The following MOCOS variants were observed in gnomAD, a reference collection of about 807,000 sequenced individuals.
The protein encoded by MOCOS is human molybdenum cofactor sulfurase.
In MOCOS, 86 loss-of-function variants were observed where a neutral mutation model predicts 83.6. The observed-to-expected ratio is 1.03, with a 90% CI of 0.86 to 1.23. MOCOS has a LOEUF of 1.23. Ranked by LOEUF, MOCOS falls within the 50% of genes most tolerant of loss-of-function variation. The pLI is 0.00. For synonymous variants in MOCOS, 445 were observed against 434.7 expected (o/e 1.02, Z -0.29); for missense variants, 1,120 against 1,126.9 (o/e 0.99, Z 0.09).
At chr18:36,257,154 G>T in intron 12 of MOCOS, 81 bp downstream of exon 12, 1 of 1,179,758 alleles carries the variant, frequency 8.5e-7, no homozygotes, top group Non-Finnish European at 1.3e-6. Flanking sequence ...GCCTGGAGCG[G>T]AGAGATCTGA....
chr18:36,209,788 T>G (rs2091447600), intron 6 of MOCOS, among the ~76,000 whole-genome samples: 1 of 152,060 alleles, frequency 6.6e-6, no homozygotes, highest in Non-Finnish European at 1.5e-5. Flanking sequence ...TGAATTGTGC[T>G]GCTATAAACA....
intron 1 of MOCOS, among the ~76,000 whole-genome samples, chr18:36,192,793 G>A (rs1047264120): frequency 1.3e-5 from 2 of 151,944 alleles, no homozygotes; most frequent in Admixed American, 6.5e-5. Context: ...GATTACAGGC[G>A]CACGCCATTA....
chr18:36,257,073 G>A lies in MOCOS; in HGVS notation c.2270G>A (p.Ser757Asn), dbSNP rs146846079. Residue 757 changes from serine (S) to asparagine (N), a missense_variant and splice_region_variant, in exon 12 of 15, where the codon AGT becomes AAT. By Grantham distance (46) the Ser-to-Asn change is conservative. Coordinates refer to ENST00000261326, the MANE Select transcript of MOCOS (RefSeq NM_017947.4). ...GAACTTCACCGGCAACTAAACACCA[G>A]GTAAGACCTCATACCTCGGGACTAG... is the stretch of plus-strand genomic sequence containing the variant. The part of the protein sequence containing the change: ...ILELHRQLNT[S>N]DENGKEELFS... 5.6e-5 allele frequency: 90 copies of A among 1,611,652 alleles called. No homozygotes were observed. The African/African-American group carries it at 1.0e-3, about 18-fold the overall frequency.
intron 7 of MOCOS, 90 bp downstream of exon 7, chr18:36,213,572 T>C: frequency 9.8e-7 from 1 of 1,018,418 alleles, no homozygotes; most frequent in Non-Finnish European, 1.5e-6. Flanking sequence ...GGGCTGCTGC[T>C]GCATACTCAT....
intron 12 of MOCOS, among the ~76,000 whole-genome samples, chr18:36,257,549 T>G (rs1460579330): frequency 6.6e-6 from 1 of 152,118 alleles, no homozygotes; most frequent in Admixed American, 6.5e-5. Context: ...CAGATGGAAT[T>G]AGCACCCCTC....
At chr18:36,201,991 G>A (rs1405707649) in intron 4 of MOCOS, among the ~76,000 whole-genome samples, 1 of 152,138 alleles carries the variant, frequency 6.6e-6, no homozygotes, top group Non-Finnish European at 1.5e-5. Context: ...CTCACTGGGG[G>A]CCAGGGCATG....
chr18:36,228,884 G>A (rs1211115693), intron 9 of MOCOS, among the ~76,000 whole-genome samples: 2 of 150,518 alleles, frequency 1.3e-5, no homozygotes, highest in African/African-American at 4.9e-5. Context: ...TCCCAAGCTG[G>A]TTTCAAACTC....
intron 9 of MOCOS, among the ~76,000 whole-genome samples, chr18:36,239,035 T>C (rs1051185103): frequency 6.0e-5 from 9 of 151,034 alleles, no homozygotes; most frequent in Non-Finnish European, 1.3e-4. Flanking sequence ...TGTCTCTGCA[T>C]GTGAGATGGG....
In MOCOS at chr18:36,220,107, T is replaced by C. The variant is rs368198282; in HGVS notation, c.1850T>C (p.Met617Thr). The change falls in exon 9 of 15, where the codon ATG becomes ACG. Residue 617 changes from methionine (M) to threonine (T), a missense_variant. Coordinates refer to ENST00000261326, the MANE Select transcript of MOCOS (RefSeq NM_017947.4). ...GGGCTGCTATATGACCGGAGCTGGA[T>C]GGTTGTGAATCACAATGGTGTTTGC... The part of the protein sequence containing the change: ...NQGLLYDRSW[M>T]VVNHNGVCLS... 17 of 1,613,832 alleles carry C rather than the reference T, an allele frequency of 1.1e-5. No individual in the cohort carries two copies. The highest frequency in any genetic ancestry group is 1.3e-5 in the Non-Finnish European group (15 of 1,180,020).
chr18:36,234,236 A>T (rs1217644428), intron 9 of MOCOS, among the ~76,000 whole-genome samples: 1 of 152,118 alleles, frequency 6.6e-6, no homozygotes, highest in African/African-American at 2.4e-5. Flanking sequence ...ATCCATTTTC[A>T]TGTTTTTACA....
At chr18:36,250,715 C>T (rs1311600879) in intron 10 of MOCOS, among the ~76,000 whole-genome samples, 2 of 152,202 alleles carry the variant, frequency 1.3e-5, no homozygotes, top group African/African-American at 2.4e-5. Flanking sequence ...GTACTTATAT[C>T]TGTAACTCAC....
chr18:36,246,615 T>C (rs1037184727), intron 9 of MOCOS, among the ~76,000 whole-genome samples: 1 of 152,218 alleles, frequency 6.6e-6, no homozygotes, highest in African/African-American at 2.4e-5. Context: ...TAGTTTTGTT[T>C]AGTGCGGTGG....
At chr18:36,238,307 G>C (rs2091567383) in intron 9 of MOCOS, among the ~76,000 whole-genome samples, 1 of 151,100 alleles carries the variant, frequency 6.6e-6, no homozygotes, top group Non-Finnish European at 1.5e-5. Flanking sequence ...TGCTTTGAAT[G>C]TGTCCCAGAG....
At chr18:36,254,489 T>TGTGTGA (rs1305441212) in intron 11 of MOCOS, among the ~76,000 whole-genome samples, 7 of 120,722 alleles carry the variant, frequency 5.8e-5, no homozygotes, top group African/African-American at 2.5e-4. Context: ...TGTGTGTGTG[T>TGTGTGA]GTGTGTGTGT....
At chr18:36,240,904 C>T (rs1247888884) in intron 9 of MOCOS, among the ~76,000 whole-genome samples, 3 of 152,136 alleles carry the variant, frequency 2.0e-5, no homozygotes, top group African/African-American at 4.8e-5. Flanking sequence ...CTCCAGGTGC[C>T]GTCCGTCACC....
At chr18:36,246,466 G>A (rs2091602597) in intron 9 of MOCOS, among the ~76,000 whole-genome samples, 1 of 152,226 alleles carries the variant, frequency 6.6e-6, no homozygotes. Context: ...AAAGAGTCCT[G>A]TGATGTGATT....
At chr18:36,264,262 G>A (rs1309579399) in intron 13 of MOCOS, among the ~76,000 whole-genome samples, 1 of 152,186 alleles carries the variant, frequency 6.6e-6, no homozygotes, top group African/African-American at 2.4e-5. Flanking sequence ...TTCTAAGAGG[G>A]CCTTTCATTG....
chr18:36,215,464 G>A, intron 7 of MOCOS, 52 bp from the exon 8 acceptor site: 2 of 1,548,596 alleles, frequency 1.3e-6, no homozygotes, highest in Non-Finnish European at 1.8e-6. Flanking sequence ...TGTTTCCAGT[G>A]TCTCTATGAG....
chr18:36,231,040 G>A (rs548272889), intron 9 of MOCOS, among the ~76,000 whole-genome samples: 3 of 152,218 alleles, frequency 2.0e-5, no homozygotes, highest in South Asian at 4.1e-4. Flanking sequence ...TGCTTCTGAA[G>A]TTTCAAAAAT....
Sources: allele counts gnomAD v4.1 joint callset (sites outside exome capture counted in the v4.1 genomes callset), GRCh38; gene constraint gnomAD v4.1.1; transcripts MANE v1.5; gene names NCBI Gene and HGNC (gene_info 2026-07-23, HGNC 2026-07-21).